Variants in MAD1L1 observed in about 807,000 individuals in gnomAD.
The protein encoded by MAD1L1 is mitotic arrest deficient 1 like 1, also known as mitotic spindle assembly checkpoint protein MAD1.
In MAD1L1, 95 loss-of-function variants were observed where a neutral mutation model predicts 96.9. The observed-to-expected ratio is 0.98, with a 90% CI of 0.83 to 1.16. MAD1L1 has a LOEUF of 1.16. MAD1L1 is among the 50% of genes most tolerant of loss of function. The probability of loss-of-function intolerance (pLI) is 0.00; values close to 1 mark genes in which losing one functional copy is unlikely to be tolerated. For missense variants in MAD1L1, 1,007 were observed against 954.4 expected (o/e 1.06, Z -0.73); for synonymous variants, 473 against 396.6 (o/e 1.19, Z -2.29).
intron 12 of MAD1L1, among the ~76,000 whole-genome samples, chr7:2,040,270 G>A (rs1308119554): frequency 6.6e-6 from 1 of 152,232 alleles, no homozygotes; most frequent in Non-Finnish European, 1.5e-5. Context: ...TAGTTTTGAA[G>A]ACGCTGCCTG....
intron 11 of MAD1L1, among the ~76,000 whole-genome samples, chr7:2,145,110 G>A (rs541435198): frequency 6.6e-5 from 10 of 152,212 alleles, no homozygotes; most frequent in Middle Eastern, 3.4e-3. Flanking sequence ...TGAGAGCCCT[G>A]CCTGCTCCTG....
chr7:2,215,836 G>A (rs756410627), intron 9 of MAD1L1, 49 bp downstream of exon 9: 3 of 1,550,024 alleles, frequency 1.9e-6, no homozygotes, highest in East Asian at 2.2e-5. Flanking sequence ...GGCTCCTCCA[G>A]GCAGGGCAGA....
intron 8 of MAD1L1, 62 bp from the exon 9 acceptor site, chr7:2,216,061 C>A: frequency 6.2e-7 from 1 of 1,610,450 alleles, no homozygotes; most frequent in African/African-American, 1.3e-5. Context: ...GCCAAGAGCC[C>A]GGGAGCCCTG....
chr7:1,888,459 T>C (rs1484675373), intron 18 of MAD1L1, among the ~76,000 whole-genome samples: 1 of 150,266 alleles, frequency 6.7e-6, no homozygotes, highest in Non-Finnish European at 1.5e-5. Context: ...TGTGCACGCA[T>C]GTATGTGGCT....
chr7:1,822,442 A>ATATATTTTT (rs768089526), intron 18 of MAD1L1, among the ~76,000 whole-genome samples: 3 of 140,588 alleles, frequency 2.1e-5, no homozygotes, highest in East Asian at 4.2e-4. Context: ...ATATATATAT[A>ATATATTTTT]TTTTTTTTTT....
At chr7:2,016,937 C>T (rs544931946) in intron 12 of MAD1L1, among the ~76,000 whole-genome samples, 3 of 152,376 alleles carry the variant, frequency 2.0e-5, no homozygotes, top group South Asian at 2.1e-4. Context: ...TACCAACGCG[C>T]GGACGCCGCG....
intron 10 of MAD1L1, among the ~76,000 whole-genome samples, chr7:2,190,307 C>T (rs1049985457): frequency 2.0e-5 from 3 of 152,166 alleles, no homozygotes; most frequent in African/African-American, 7.2e-5. Context: ...GGGAAACAGA[C>T]ATACGTATTG....
rs566222181 is a variant in MAD1L1 at position 2,119,999 on chromosome 7, A to G, written c.1073+29153T>C. ...TCCCTAGCAATGCCCCAGGTGGAGG[A>G]GCCCCAGTTCATGCTCTCCATCCTC... On this transcript the variant is annotated intron_variant, in intron 11 of 18. Coordinates refer to ENST00000265854, the MANE Select transcript of MAD1L1 (RefSeq NM_001013836.2). This position sits in a 1 kb window ranked among gnomAD's most constrained non-coding sequence, Gnocchi z 4.6. 1.3e-5 allele frequency among the ~76,000 whole-genome samples: 2 copies of G among 152,270 alleles called. No homozygotes were observed. The highest frequency in any genetic ancestry group is 4.1e-4 in the South Asian group (2 of 4,820).
At chr7:2,017,939 G>T (rs909333803) in intron 12 of MAD1L1, among the ~76,000 whole-genome samples, 1 of 152,128 alleles carries the variant, frequency 6.6e-6, no homozygotes, top group African/African-American at 2.4e-5. Context: ...AAGGGCAGGG[G>T]AGATCAGAGC....
chr7:1,874,903 C>T (rs1213239136), intron 18 of MAD1L1, among the ~76,000 whole-genome samples: 1 of 152,134 alleles, frequency 6.6e-6, no homozygotes, highest in African/African-American at 2.4e-5. Context: ...CACCCCAGGC[C>T]TGGCCATAGG....
chr7:1,865,024 A>C (rs548465472), intron 18 of MAD1L1, among the ~76,000 whole-genome samples: 21 of 152,228 alleles, frequency 1.4e-4, no homozygotes, highest in African/African-American at 4.8e-4. Flanking sequence ...CCCGCAGCTC[A>C]AGTCCCCACC....
In MAD1L1 at chr7:1,980,454, T is replaced by C; in HGVS notation, c.1504A>G (p.Arg502Gly). 1 of 1,610,972 alleles carries C rather than the reference T, an allele frequency of 6.2e-7. No homozygotes were observed. The stretch of plus-strand genomic sequence containing the variant: ...CCGCCTCCTCTCTGGGGGACGTACC[T>C]GAGCGTGTCCGCCTCCTCCCTGGAG... ...LFSREEADTL[R>G]LKVEELEGER... Residue 502 changes from arginine (R) to glycine (G), a missense_variant and splice_region_variant, in exon 15 of 19, where the codon AGG (arginine) becomes GGG (glycine). By Grantham distance (125) the Arg-to-Gly change is moderately radical. Transcript: ENST00000265854.
chr7:1,980,639 C>T, intron 14 of MAD1L1, 98 bp from the exon 15 acceptor site: 4 of 945,746 alleles, frequency 4.2e-6, no homozygotes, highest in Non-Finnish European at 5.0e-6. Flanking sequence ...CTGGCAGCAC[C>T]CCCGCCCTGG....
At chr7:1,947,206 C>G (rs1449557769) in intron 16 of MAD1L1, among the ~76,000 whole-genome samples, 1 of 152,218 alleles carries the variant, frequency 6.6e-6, no homozygotes. Flanking sequence ...CTGCCCCGGG[C>G]AAAGGAAATG....
intron 18 of MAD1L1, among the ~76,000 whole-genome samples, chr7:1,870,031 A>G (rs2128654728): frequency 6.6e-6 from 1 of 152,224 alleles, no homozygotes; most frequent in African/African-American, 2.4e-5. Flanking sequence ...TTGGTAGGTG[A>G]GGTGTGGGAG....
At chr7:2,082,629 G>A (rs925380906) in intron 11 of MAD1L1, among the ~76,000 whole-genome samples, 5 of 152,182 alleles carry the variant, frequency 3.3e-5, no homozygotes, top group African/African-American at 4.8e-5. Flanking sequence ...GGATCAAGGG[G>A]CTCACATACC....
intron 10 of MAD1L1, 106 bp from the exon 11 acceptor site, chr7:2,149,344 G>C: frequency 1.1e-6 from 1 of 881,422 alleles, no homozygotes; most frequent in Non-Finnish European, 1.9e-6. Context: ...CTGATGCTCT[G>C]GGACCCAGGA....
chr7:1,889,516 G>C (rs949226241), intron 18 of MAD1L1, among the ~76,000 whole-genome samples: 1 of 152,218 alleles, frequency 6.6e-6, no homozygotes, highest in African/African-American at 2.4e-5. Flanking sequence ...GGCTTGTCGG[G>C]GCCAGGCCTG....
intron 11 of MAD1L1, among the ~76,000 whole-genome samples, chr7:2,105,590 T>TGGGACCAGCCATGCAGCCTTGCC (rs1417925153): frequency 1.3e-5 from 2 of 152,132 alleles, no homozygotes; most frequent in East Asian, 1.9e-4. Flanking sequence ...CAGGAAGCCC[T>TGGGACCAGCCATGCAGCCTTGCC]GGGACCAGCC....
Sources: gnomAD v4.1 joint callset for allele counts (sites outside exome capture counted in the v4.1 genomes callset) on GRCh38, gnomAD v4.1.1 for gene constraint, Gnocchi (gnomAD v3.1) non-coding constraint, MANE v1.5 for transcripts, NCBI Gene and HGNC (gene_info 2026-07-23, HGNC 2026-07-21) for gene names.